Variants in GABRG3 observed in about 807,000 individuals in gnomAD.
The protein encoded by GABRG3 is gamma-aminobutyric acid type A receptor subunit gamma3.
In GABRG3, 25 loss-of-function variants were observed where a neutral mutation model predicts 48.8. That is an observed-to-expected ratio of 0.51 (90% CI 0.37 to 0.72). The LOEUF is 0.72. Among genes scored for constraint, GABRG3 ranks in the 30% least tolerant of loss-of-function variants. GABRG3 has a pLI of 0.00. For missense variants in GABRG3, 394 were observed against 577.9 expected, an observed-to-expected ratio of 0.68 and a Z score of 3.26; for synonymous variants, 227 against 217.6, an observed-to-expected ratio of 1.04 and a Z score of -0.38.
chr15:27,350,695 G>C (rs1894534465), intron 5 of GABRG3, among the ~76,000 whole-genome samples: 1 of 152,140 alleles, frequency 6.6e-6, no homozygotes, highest in Admixed American at 6.5e-5. Context: ...GAGAGGGAGA[G>C]AGCCTGGTGA....
intron 3 of GABRG3, among the ~76,000 whole-genome samples, chr15:27,132,357 C>A (rs1289984265): frequency 6.6e-6 from 1 of 151,530 alleles, no homozygotes; most frequent in Non-Finnish European, 1.5e-5. Context: ...CTGTGATTAT[C>A]CAGTTTTCAG....
At chr15:27,427,797 T>TGAATATTTTCA (rs1888335749) in intron 5 of GABRG3, among the ~76,000 whole-genome samples, 1 of 152,236 alleles carries the variant, frequency 6.6e-6, no homozygotes, top group Non-Finnish European at 1.5e-5. Context: ...CATACATGCC[T>TGAATATTTTCA]GAATATTTTC....
rs560355647 is a variant in GABRG3 at position 27,319,844 on chromosome 15, A to C, written c.271-6965A>C. Among the ~76,000 whole-genome samples the C allele has an allele frequency of 5.9e-5, 9 of 152,310 alleles. No individual in the cohort carries two copies. The highest frequency in any genetic ancestry group is 3.3e-4 in the Admixed American group (5 of 15,302). Reference sequence around the variant, plus strand: ...TGGGTAGCCATGATACATTTTTTTAATAGCAGCATATATGGTTGAATATAG... The same window carrying C: ...TGGGTAGCCATGATACATTTTTTTACTAGCAGCATATATGGTTGAATATAG... On this transcript the variant is annotated intron_variant, in intron 3 of 9. Coordinates refer to ENST00000615808, the MANE Select transcript of GABRG3 (RefSeq NM_033223.5). This position sits in a 1 kb window ranked among gnomAD's most constrained non-coding sequence, Gnocchi z 4.4.
intron 3 of GABRG3, chr15:27,271,585 G>A (rs1371254770): frequency 1.7e-5 from 7 of 411,144 alleles, no homozygotes; most frequent in Admixed American, 1.5e-4. Flanking sequence ...TGCTGGGTAT[G>A]CAACCTAGAG....
At chr15:27,284,686 A>G (rs1891551453) in intron 3 of GABRG3, among the ~76,000 whole-genome samples, 1 of 152,340 alleles carries the variant, frequency 6.6e-6, no homozygotes, top group Middle Eastern at 3.4e-3. Context: ...AAGAGTTTCC[A>G]TGGAGACAGA....
At chr15:27,475,258 C>T (rs923177944) in intron 5 of GABRG3, among the ~76,000 whole-genome samples, 5 of 152,178 alleles carry the variant, frequency 3.3e-5, no homozygotes, top group South Asian at 2.1e-4. Flanking sequence ...ACCTTATACT[C>T]TGTCTCTTCC....
At chr15:27,175,889 C>T (rs1277083149) in intron 3 of GABRG3, among the ~76,000 whole-genome samples, 1 of 152,134 alleles carries the variant, frequency 6.6e-6, no homozygotes, top group Non-Finnish European at 1.5e-5. Flanking sequence ...GCCTGCTGAG[C>T]CTCCTCAGAG....
chr15:27,405,962 T>C (rs561386974), intron 5 of GABRG3, among the ~76,000 whole-genome samples: 4 of 151,656 alleles, frequency 2.6e-5, no homozygotes, highest in African/African-American at 9.7e-5. Context: ...GTAAAAGAAA[T>C]AAAGGAGCTC....
chr15:27,306,445 T>C (rs1022411098), intron 3 of GABRG3, among the ~76,000 whole-genome samples: 3 of 140,114 alleles, frequency 2.1e-5, no homozygotes, highest in Non-Finnish European at 1.5e-5. Context: ...TACGAACATA[T>C]GTCTACATAT....
chr15:27,040,215 C>T (rs1295772707), intron 3 of GABRG3, among the ~76,000 whole-genome samples: 2 of 152,252 alleles, frequency 1.3e-5, no homozygotes, highest in African/African-American at 4.8e-5. Context: ...AGGTGCTGAG[C>T]TGCCAGGCTT....
At chr15:27,441,525 C>G (rs1460056243) in intron 5 of GABRG3, among the ~76,000 whole-genome samples, 1 of 152,214 alleles carries the variant, frequency 6.6e-6, no homozygotes, top group African/African-American at 2.4e-5. Flanking sequence ...CCAAGAGGAG[C>G]ATGATGATCA....
intron 6 of GABRG3, among the ~76,000 whole-genome samples, chr15:27,491,243 C>G (rs148739690): frequency 6.6e-6 from 1 of 152,198 alleles, no homozygotes; most frequent in Admixed American, 6.5e-5. Flanking sequence ...TCAGTGGCCT[C>G]GGGGCTCCCC....
chr15:27,336,204 A>G (rs113498845), intron 5 of GABRG3, among the ~76,000 whole-genome samples: 6,382 of 140,410 alleles, frequency 0.045, 252 homozygotes, highest in African/African-American at 0.12. Context: ...GAAAGAAAGA[A>G]AGAAAGAGAG....
intron 3 of GABRG3, among the ~76,000 whole-genome samples, chr15:27,195,671 G>C (rs1204357490): frequency 6.7e-6 from 1 of 148,364 alleles, no homozygotes; most frequent in South Asian, 2.1e-4. Flanking sequence ...GTCTCACTCT[G>C]TTCTCTAGGC....
At chr15:27,234,037 TATC>T (rs1889883521) in intron 3 of GABRG3, among the ~76,000 whole-genome samples, 1 of 152,122 alleles carries the variant, frequency 6.6e-6, no homozygotes, top group Non-Finnish European at 1.5e-5. Context: ...TAGAGAGAAA[TATC>T]CCCAAGACTT....
At chr15:27,153,643 T>A (rs1010698956) in intron 3 of GABRG3, among the ~76,000 whole-genome samples, 3 of 152,188 alleles carry the variant, frequency 2.0e-5, no homozygotes, top group African/African-American at 7.2e-5. Context: ...TCTTCTTTGA[T>A]TTCTTTCATG....
Position 27,541,401 on chromosome 15 carries a change from G to C in GABRG3, c.*8520G>C, listed in dbSNP as rs566349035. ...TCTCTGTGAAGCCTGTGTGGGAGGT[G>C]AAACTGTCAGGGGTCCTGGGAGATG... On this transcript the variant is annotated 3_prime_UTR_variant, in exon 10 of 10. Coordinates refer to ENST00000615808, the MANE Select transcript of GABRG3 (RefSeq NM_033223.5). 6.5e-6 allele frequency: 1 copy of C among 152,722 alleles called. No homozygotes were observed. Among genetic ancestry groups the C allele is most frequent in the South Asian group, 2.1e-4 (1 of 4,838 alleles). 9.5% of individuals were successfully genotyped at this position (152,722 alleles called of 1,614,324 possible).
intron 3 of GABRG3, among the ~76,000 whole-genome samples, chr15:27,303,738 A>G (rs981670214): frequency 2.6e-5 from 4 of 151,422 alleles, no homozygotes; most frequent in African/African-American, 4.8e-5. Flanking sequence ...TCCACTATAT[A>G]TATATCCGTG....
At chr15:27,307,578 CAGGT>C (rs1892663240) in intron 3 of GABRG3, among the ~76,000 whole-genome samples, 1 of 9,264 alleles carries the variant, frequency 1.1e-4, no homozygotes, top group East Asian at 1.4e-3. Flanking sequence ...TATATATAAA[CAGGT>C]TTATAGGTTT....
Sources: allele counts gnomAD v4.1 joint callset (sites outside exome capture counted in the v4.1 genomes callset), GRCh38; gene constraint gnomAD v4.1.1; non-coding constraint Gnocchi (gnomAD v3.1); transcripts MANE v1.5; gene names NCBI Gene and HGNC (gene_info 2026-07-23, HGNC 2026-07-21).